TASP1: variants seen among roughly 807,000 people sequenced by gnomAD.
TASP1 encodes the protein taspase 1.
TASP1 carries 16 observed loss-of-function variants against 56.6 expected under a neutral mutation model. The ratio of observed to expected loss-of-function variants is 0.28; its 90% CI spans 0.19 to 0.43. The LOEUF is 0.43. Among genes scored for constraint, TASP1 ranks in the 20% least tolerant of loss-of-function variants. The pLI is 1.00. For missense variants in TASP1, 393 were observed against 511.6 expected, an observed-to-expected ratio of 0.77 and a Z score of 2.24; for synonymous variants, 179 against 184.2, an observed-to-expected ratio of 0.97 and a Z score of 0.23.
At chr20:13,343,108 G>A in the TASP1 span, among the ~76,000 whole-genome samples, 3 of 152,140 alleles carry the variant, frequency 2.0e-5, no homozygotes, top group Non-Finnish European at 4.4e-5. Context: ...TCCCTTCAAC[G>A]GCCTCTCTGA....
At chr20:13,455,702 C>T (rs1213170617) in intron 11 of TASP1, among the ~76,000 whole-genome samples, 1 of 152,110 alleles carries the variant, frequency 6.6e-6, no homozygotes, top group Non-Finnish European at 1.5e-5. Flanking sequence ...GTGTCTTGTT[C>T]ATGCCCTGAT....
the TASP1 span, among the ~76,000 whole-genome samples, chr20:13,367,771 AT>A: frequency 1.3e-5 from 2 of 152,206 alleles, no homozygotes; most frequent in African/African-American, 4.8e-5. Context: ...GTATGAACTG[AT>A]TTTTTTAAAG....
the TASP1 span, among the ~76,000 whole-genome samples, chr20:13,302,901 G>A: frequency 5.3e-5 from 8 of 152,136 alleles, no homozygotes; most frequent in Non-Finnish European, 1.2e-4. Flanking sequence ...TCATGTAACC[G>A]CCATGATTAT....
chr20:13,151,248 C>G, the TASP1 span, among the ~76,000 whole-genome samples: 2 of 152,212 alleles, frequency 1.3e-5, no homozygotes, highest in Non-Finnish European at 2.9e-5. Flanking sequence ...CTACCATCCT[C>G]TCTAAATTTT....
At chr20:13,416,625 G>T (rs536523376) in intron 13 of TASP1, among the ~76,000 whole-genome samples, 5 of 152,288 alleles carry the variant, frequency 3.3e-5, no homozygotes, top group Admixed American at 6.5e-5. Flanking sequence ...ATGTCAAAAT[G>T]TGCAAAATAA....
intron 8 of TASP1, among the ~76,000 whole-genome samples, chr20:13,547,798 GA>G (rs996155048): frequency 1.4e-5 from 2 of 147,460 alleles, no homozygotes; most frequent in African/African-American, 5.0e-5. Context: ...AAAGAAACAA[GA>G]AAAAAAAAAG....
At chr20:13,537,068 TA>T (rs1180189614) in intron 8 of TASP1, among the ~76,000 whole-genome samples, 1 of 152,142 alleles carries the variant, frequency 6.6e-6, no homozygotes, top group Non-Finnish European at 1.5e-5. Context: ...CAGAATTTTA[TA>T]GAGGGAATAA....
At chr20:13,251,557 A>G in the TASP1 span, among the ~76,000 whole-genome samples, 2 of 152,178 alleles carry the variant, frequency 1.3e-5, no homozygotes, top group Non-Finnish European at 2.9e-5. Context: ...GCATGAGAGA[A>G]AGTGAGGTGC....
At chr20:13,256,367 G>A in the TASP1 span, among the ~76,000 whole-genome samples, 1 of 137,222 alleles carries the variant, frequency 7.3e-6, no homozygotes. Context: ...TCATACTCCA[G>A]CCTGGGCAAC....
At chr20:13,412,009 G>C (rs768258272) in intron 13 of TASP1, among the ~76,000 whole-genome samples, 9 of 152,200 alleles carry the variant, frequency 5.9e-5, no homozygotes, top group African/African-American at 2.2e-4. Context: ...ATGCTTCCGA[G>C]TTGTCTTGCG....
At chr20:13,171,162 T>C in the TASP1 span, among the ~76,000 whole-genome samples, 2 of 152,226 alleles carry the variant, frequency 1.3e-5, no homozygotes, top group South Asian at 4.1e-4. Context: ...AATGTGTCTG[T>C]TTTGTAAATA....
chr20:13,518,551 C>A (rs1419594587), intron 10 of TASP1, among the ~76,000 whole-genome samples: 2 of 152,084 alleles, frequency 1.3e-5, no homozygotes, highest in African/African-American at 4.8e-5. Context: ...CTGCTCTTAT[C>A]AAGAATATAC....
At chr20:13,616,901 T>A (rs1397102142) in intron 4 of TASP1, 1 of 341,352 alleles carries the variant, frequency 2.9e-6, no homozygotes, top group Non-Finnish European at 5.8e-6. Context: ...TGCTTCTTTG[T>A]CTGCACATGG....
chr20:13,531,474 C>T (rs75143310), intron 9 of TASP1, among the ~76,000 whole-genome samples: 3,364 of 150,986 alleles, frequency 0.022, 125 homozygotes, highest in African/African-American at 0.073. Flanking sequence ...ATTCAAATTG[C>T]CATTTCTTAT....
chr20:13,438,471 G>A (rs1600797624), intron 11 of TASP1, among the ~76,000 whole-genome samples: 1 of 152,264 alleles, frequency 6.6e-6, no homozygotes, highest in Admixed American at 6.5e-5. Flanking sequence ...GCTGAAACTG[G>A]ATCCCTTCCT....
At chr20:13,361,134 C>A in the TASP1 span, among the ~76,000 whole-genome samples, 1 of 152,226 alleles carries the variant, frequency 6.6e-6, no homozygotes, top group South Asian at 2.1e-4. Flanking sequence ...CCCTACACAT[C>A]AAGCTCGAGG....
chr20:13,456,728 C>A (rs78979839), intron 11 of TASP1, among the ~76,000 whole-genome samples: 2,575 of 152,106 alleles, frequency 0.017, 81 homozygotes, highest in African/African-American at 0.057. Context: ...TTGTCAGTCA[C>A]CTTTGTCTTA....
intron 11 of TASP1, among the ~76,000 whole-genome samples, chr20:13,476,223 T>C (rs2042947408): frequency 6.6e-6 from 1 of 152,204 alleles, no homozygotes; most frequent in Non-Finnish European, 1.5e-5. Context: ...CTCTTTTACG[T>C]GTTTTACTTT....
intron 10 of TASP1, among the ~76,000 whole-genome samples, chr20:13,524,870 T>A (rs1399512460): frequency 6.6e-6 from 1 of 152,008 alleles, no homozygotes; most frequent in Non-Finnish European, 1.5e-5. Context: ...ATGTGTTGAG[T>A]TAAACTGTTG....
Sources: gnomAD v4.1 joint callset for allele counts (sites outside exome capture counted in the v4.1 genomes callset) on GRCh38, gnomAD v4.1.1 for gene constraint, MANE v1.5 for transcripts, NCBI Gene and HGNC (gene_info 2026-07-23, HGNC 2026-07-21) for gene names.